Variants in XPO4 observed in about 807,000 individuals in gnomAD.
XPO4 encodes the protein exportin-4.
XPO4 carries 39 observed loss-of-function variants against 143.0 expected under a neutral mutation model. The observed-to-expected ratio is 0.27, with a 90% CI of 0.21 to 0.36. The LOEUF (loss-of-function observed/expected upper bound fraction) is 0.36. Among genes scored for constraint, XPO4 ranks in the 10% least tolerant of loss-of-function variants. XPO4 has a pLI of 1.00. For synonymous variants in XPO4, 439 were observed against 474.0 expected, an observed-to-expected ratio of 0.93 and a Z score of 0.96; for missense variants, 907 against 1,348.0, an observed-to-expected ratio of 0.67 and a Z score of 5.12.
At position 20,806,576 on chromosome 13, in the gene XPO4, CAG is replaced by C. The variant is rs1267712314; in HGVS notation, c.1817+879_1817+880del. ...TTTTTTTTTTTTTTTTTTTTTGAGA[CAG>C]AGTCTTGCTCTGTCGCCAGGCTGGA... On this transcript the variant is annotated intron_variant, in intron 13 of 22. Transcript: ENST00000255305. Among the ~76,000 whole-genome samples the C allele has an allele frequency of 3.2e-3, 306 of 95,802 alleles. 1 individual carries two copies. Among genetic ancestry groups the C allele is most frequent in the African/African-American group, 0.013 (297 of 22,906 alleles). The allele number at this position is 95,802 out of a possible 152,430, so 62.8% of individuals were successfully genotyped here.
In XPO4 at chr13:20,821,690, G is replaced by C; in HGVS notation, c.1173+14C>G. The C allele has an allele frequency of 6.2e-7, 1 of 1,605,678 alleles. No homozygotes were observed. Among genetic ancestry groups the C allele is most frequent in the Non-Finnish European group, 8.5e-7 (1 of 1,175,768 alleles). ...GTGAAAACTGACACAATTTACTTTA[G>C]AATAGTCACTCACCACTTCTTCCAA... On this transcript the variant is annotated intron_variant, in intron 9 of 22. Coordinates refer to ENST00000255305, the MANE Select transcript of XPO4 (RefSeq NM_022459.5).
rs1281209672 is a variant in XPO4, at chr13:20,788,575, A to G, written c.2958T>C (p.Phe986=). The change falls in exon 20 of 23, where the codon TTT becomes TTC. Residue 986 remains phenylalanine (F), a synonymous_variant. Transcript: ENST00000255305. ...LCNQYYKLIT[F]ICEIFPEKIP... is the part of the protein sequence containing the mutation. ...TTTTTTCAGGAAAAATCTCACAGATAAATGTGATTAATTTGTAGTACTGAT... is the reference window on the plus strand; with the variant it reads ...TTTTTTCAGGAAAAATCTCACAGATGAATGTGATTAATTTGTAGTACTGAT... The G allele has an allele frequency of 6.2e-7, 1 of 1,612,156 alleles. No individual in the cohort carries two copies. Among genetic ancestry groups the G allele is most frequent in the East Asian group, 2.2e-5 (1 of 44,726 alleles).
chr13:20,880,675 G>A lies in XPO4; in HGVS notation c.70-11974C>T, dbSNP rs556797634. Reference sequence around the variant, plus strand: ...CTTCAGAAATAAAAAGGAATGAAGCGGTAGGGGGCAGTGGCTCACACCTGA... The same window carrying A: ...CTTCAGAAATAAAAAGGAATGAAGCAGTAGGGGGCAGTGGCTCACACCTGA... On this transcript the variant is annotated intron_variant, in intron 1 of 22. Coordinates refer to ENST00000255305, the MANE Select transcript of XPO4 (RefSeq NM_022459.5). 5.9e-5 allele frequency among the ~76,000 whole-genome samples: 9 copies of A among 152,142 alleles called. No homozygotes were observed. The South Asian group carries it at 6.2e-4, about 11-fold the overall frequency.
At chr13:20,845,300 T>C (rs2060019628) in intron 4 of XPO4, among the ~76,000 whole-genome samples, 1 of 152,216 alleles carries the variant, frequency 6.6e-6, no homozygotes, top group Non-Finnish European at 1.5e-5. Context: ...TTTCTCAGAC[T>C]TTTCCACACC....
chr13:20,785,974 GAGAGGA>G (rs1267082578), intron 22 of XPO4, among the ~76,000 whole-genome samples: 14 of 102,172 alleles, frequency 1.4e-4, no homozygotes, highest in Admixed American at 5.7e-4. Flanking sequence ...AAAAGAAAAA[GAGAGGA>G]AGGAAGGAAG....
intron 2 of XPO4, 133 bp downstream of exon 2, chr13:20,868,463 G>T: frequency 7.7e-7 from 1 of 1,295,348 alleles, no homozygotes; most frequent in Admixed American, 3.1e-5. Flanking sequence ...CCAGTAGAAT[G>T]ATTATTAATT....
chr13:20,893,766 C>CA (rs755303049), intron 1 of XPO4, among the ~76,000 whole-genome samples: 3,757 of 108,170 alleles, frequency 0.035, 169 homozygotes, highest in African/African-American at 0.11. Context: ...GACTCTGTCT[C>CA]AAAAAAAAAA....
At chr13:20,849,278 A>C (rs777776686) in intron 4 of XPO4, 43 of 985,438 alleles carry the variant, frequency 4.4e-5, no homozygotes, top group Non-Finnish European at 5.1e-5. Flanking sequence ...GATAAGAGAG[A>C]TTAACTTGGC....
chr13:20,828,670 A>G (rs768107641), intron 6 of XPO4, among the ~76,000 whole-genome samples: 3 of 152,296 alleles, frequency 2.0e-5, no homozygotes, highest in South Asian at 4.1e-4. Flanking sequence ...GTGAAACTCA[A>G]ATCTGGTTCA....
intron 4 of XPO4, chr13:20,851,368 C>T (rs775105333): frequency 2.7e-4 from 267 of 985,172 alleles, no homozygotes; most frequent in Non-Finnish European, 3.1e-4. Context: ...CTACTTCCCA[C>T]TGAAGTATAC....
chr13:20,779,329 TG>T lies in XPO4; in HGVS notation c.*4392del, dbSNP rs1165116578. 1 of 152,652 alleles carries T rather than the reference TG, an allele frequency of 6.6e-6. No individual in the cohort carries two copies. The allele number at this position is 152,652 out of a possible 1,614,324, so 9.5% of individuals were successfully genotyped here. On this transcript the variant is annotated 3_prime_UTR_variant, in exon 23 of 23. Transcript: ENST00000255305. ...GTAAAAGACACCACACCAGGAAGCCTGGGCTCAGAAAACACTTGAGGTCAGA... is the reference window on the plus strand; with the variant it reads ...GTAAAAGACACCACACCAGGAAGCCTGGCTCAGAAAACACTTGAGGTCAGA...
chr13:20,788,635 A>G lies in XPO4; in HGVS notation c.2917-19T>C, dbSNP rs1476399005. ...TTGGAAACTGAAAAAGAAATATTCA[A>G]TTATTTGGATGCTCATTAGTATCCA... On this transcript the variant is annotated intron_variant, in intron 19 of 22. Coordinates refer to ENST00000255305, the MANE Select transcript of XPO4 (RefSeq NM_022459.5). The G allele has an allele frequency of 1.3e-6, 2 of 1,573,816 alleles. No homozygotes were observed. The highest frequency in any genetic ancestry group is 1.4e-5 in the African/African-American group (1 of 72,958).
intron 2 of XPO4, 52 bp from the exon 3 acceptor site, chr13:20,862,910 A>C (rs771046156): frequency 6.3e-7 from 1 of 1,599,224 alleles, no homozygotes; most frequent in Non-Finnish European, 8.5e-7. Context: ...TTTACCTTGC[A>C]CATTTTGCAT....
chr13:20,893,687 C>G, intron 1 of XPO4, among the ~76,000 whole-genome samples: 1 of 149,832 alleles, frequency 6.7e-6, no homozygotes. Context: ...ACCTGGGAGG[C>G]GGAGGTTGCG....
At chr13:20,885,481 AC>A (rs1251355068) in intron 1 of XPO4, among the ~76,000 whole-genome samples, 1 of 152,254 alleles carries the variant, frequency 6.6e-6, no homozygotes, top group East Asian at 1.9e-4. Context: ...CAGTAAGATA[AC>A]AAATAAGTTA....
At chr13:20,855,214 G>A (rs1555339861) in intron 4 of XPO4, among the ~76,000 whole-genome samples, 1 of 152,036 alleles carries the variant, frequency 6.6e-6, no homozygotes, top group African/African-American at 2.4e-5. Context: ...CCAGCACTTC[G>A]GGAGGCAGAA....
chr13:20,853,780 TTAGAAAATTCAGTTC>T, intron 4 of XPO4, among the ~76,000 whole-genome samples: 1 of 152,186 alleles, frequency 6.6e-6, no homozygotes, highest in African/African-American at 2.4e-5. Flanking sequence ...ATTTAAAAAA[TTAGAAAATTCAGTTC>T]TTCAGTCACC....
chr13:20,836,892 T>C (rs1337282185), intron 6 of XPO4, among the ~76,000 whole-genome samples: 1 of 152,252 alleles, frequency 6.6e-6, no homozygotes, highest in Non-Finnish European at 1.5e-5. Context: ...TTGCCCATCC[T>C]GGACATTTCA....
chr13:20,884,354 G>A (rs1269693941), intron 1 of XPO4, among the ~76,000 whole-genome samples: 1 of 152,140 alleles, frequency 6.6e-6, no homozygotes, highest in South Asian at 2.1e-4. Context: ...TCCAGCCTGG[G>A]CAAGAGGGTG....
Sources: allele counts gnomAD v4.1 joint callset (sites outside exome capture counted in the v4.1 genomes callset), GRCh38; gene constraint gnomAD v4.1.1; transcripts MANE v1.5; gene names NCBI Gene and HGNC (gene_info 2026-07-23, HGNC 2026-07-21).